The following B3GNT2 variants were observed in gnomAD, a reference collection of about 807,000 sequenced individuals.
The protein encoded by B3GNT2 is UDP-GlcNAc:betaGal beta-1,3-N-acetylglucosaminyltransferase 2.
A neutral mutation model predicts 27.6 loss-of-function variants in B3GNT2; 12 were observed. The observed-to-expected ratio is 0.44, with a 90% CI of 0.28 to 0.71. The LOEUF (loss-of-function observed/expected upper bound fraction) is 0.71, where lower values mean the gene tolerates loss of function less well. Among genes scored for constraint, B3GNT2 ranks in the 30% least tolerant of loss-of-function variants. The pLI, the probability that B3GNT2 is intolerant of heterozygous loss-of-function variation, is 0.17. For missense variants in B3GNT2, 413 were observed against 488.5 expected, an observed-to-expected ratio of 0.85 and a Z score of 1.46; for synonymous variants, 192 against 189.7, an observed-to-expected ratio of 1.01 and a Z score of -0.10.
chr2:62,223,139 G>A lies in B3GNT2; in HGVS notation c.919G>A (p.Gly307Arg). The A allele has an allele frequency of 6.2e-7, 1 of 1,614,200 alleles. No homozygotes were observed. The highest frequency in any genetic ancestry group is 8.5e-7 in the Non-Finnish European group (1 of 1,180,030). Residue 307 changes from glycine to arginine, a missense_variant, in exon 2 of 2, where the codon GGG becomes AGG. By Grantham distance (125) the Gly-to-Arg change is moderately radical. Transcript: ENST00000301998. ...SGLYPPYAGG[G>R]GFLYSGHLAL... ...CCTCTACCCACCCTATGCAGGGGGA[G>A]GGGGGTTCCTCTACTCCGGCCACCT...
At chr2:62,204,823 T>C (rs1255768132) in intron 1 of B3GNT2, among the ~76,000 whole-genome samples, 1 of 152,218 alleles carries the variant, frequency 6.6e-6, no homozygotes, top group African/African-American at 2.4e-5. Flanking sequence ...CTCTTTATAA[T>C]GGAAATTTTC....
At chr2:62,209,055 A>C (rs998545042) in intron 1 of B3GNT2, among the ~76,000 whole-genome samples, 1 of 151,998 alleles carries the variant, frequency 6.6e-6, no homozygotes, top group Non-Finnish European at 1.5e-5. Flanking sequence ...GCAGTGGTAC[A>C]TTTCAGCTCA....
chr2:62,197,219 T>C (rs1380898810), intron 1 of B3GNT2, among the ~76,000 whole-genome samples: 1 of 152,020 alleles, frequency 6.6e-6, no homozygotes, highest in Non-Finnish European at 1.5e-5. Flanking sequence ...GGCGCGGGAC[T>C]GGCGGCTACT....
chr2:62,200,690 T>G (rs1200607569), intron 1 of B3GNT2, among the ~76,000 whole-genome samples: 1 of 152,236 alleles, frequency 6.6e-6, no homozygotes, highest in Non-Finnish European at 1.5e-5. Context: ...CCTGCGCCCA[T>G]GTCTTGTCCG....
chr2:62,211,734 C>G (rs1674485790), intron 1 of B3GNT2, among the ~76,000 whole-genome samples: 1 of 152,162 alleles, frequency 6.6e-6, no homozygotes, highest in African/African-American at 2.4e-5. Context: ...CTAGTGTGGC[C>G]TCAGAAGCTG....
intron 1 of B3GNT2, among the ~76,000 whole-genome samples, chr2:62,204,151 T>A (rs1047357782): frequency 6.6e-6 from 1 of 152,154 alleles, no homozygotes; most frequent in Non-Finnish European, 1.5e-5. Context: ...CTCAGTCTCC[T>A]GAGTAGCTGG....
chr2:62,212,831 A>G (rs1016549447), intron 1 of B3GNT2, among the ~76,000 whole-genome samples: 7 of 152,006 alleles, frequency 4.6e-5, no homozygotes, highest in African/African-American at 1.7e-4. Flanking sequence ...CCTTTCTTAG[A>G]TTACTGTTTG....
chr2:62,206,403 A>G (rs961566833), intron 1 of B3GNT2, among the ~76,000 whole-genome samples: 1 of 152,194 alleles, frequency 6.6e-6, no homozygotes, highest in African/African-American at 2.4e-5. Flanking sequence ...AATTGCGCCC[A>G]TGGCATATGG....
At chr2:62,204,769 A>G (rs1674335917) in intron 1 of B3GNT2, among the ~76,000 whole-genome samples, 1 of 152,200 alleles carries the variant, frequency 6.6e-6, no homozygotes, top group African/African-American at 2.4e-5. Flanking sequence ...TCTTTTTTAA[A>G]AAACTTTTAT....
At chr2:62,215,469 C>G (rs1573267981) in intron 1 of B3GNT2, 1 of 152,364 alleles carries the variant, frequency 6.6e-6, no homozygotes, top group African/African-American at 2.4e-5. Flanking sequence ...CACTCACACC[C>G]TTATCACTCC....
At position 62,196,219 on chromosome 2, in the gene B3GNT2, C is replaced by A. The variant is rs1030308444; in HGVS notation, c.-146C>A. 6.6e-6 allele frequency: 1 copy of A among 151,808 alleles called. No individual in the cohort carries two copies. The highest frequency in any genetic ancestry group is 1.9e-4 in the East Asian group (1 of 5,172). 9.4% of individuals were successfully genotyped at this position (151,808 alleles called of 1,614,324 possible). A position where few individuals can be genotyped will look rare whatever the true frequency, so the allele number is the denominator to read the frequency against. ...CTGCCGCCGACACCGCCGGGCCGCCCGTCCGGGGCGCCGCGCATGGAGCGT... is the reference window on the plus strand; with the variant it reads ...CTGCCGCCGACACCGCCGGGCCGCCAGTCCGGGGCGCCGCGCATGGAGCGT... On this transcript the variant is annotated 5_prime_UTR_variant, in exon 1 of 2. Coordinates refer to ENST00000301998, the MANE Select transcript of B3GNT2 (RefSeq NM_006577.6).
intron 1 of B3GNT2, among the ~76,000 whole-genome samples, chr2:62,202,268 G>T (rs1450264675): frequency 2.0e-5 from 3 of 152,198 alleles, no homozygotes; most frequent in East Asian, 3.8e-4. Context: ...GCCAAGAAAG[G>T]CTTCTTAAGG....
At chr2:62,218,890 G>A (rs1016489349) in intron 1 of B3GNT2, among the ~76,000 whole-genome samples, 1 of 152,216 alleles carries the variant, frequency 6.6e-6, no homozygotes, top group African/African-American at 2.4e-5. Context: ...AAGGTGATGT[G>A]AGAACTGTAC....
chr2:62,222,296 G>A lies in B3GNT2; in HGVS notation c.76G>A (p.Glu26Lys). The A allele has an allele frequency of 6.2e-7, 1 of 1,613,872 alleles. No individual in the cohort carries two copies. The highest frequency in any genetic ancestry group is 8.5e-7 in the Non-Finnish European group (1 of 1,179,992). Residue 26 changes from glutamate (E) to lysine (K), a missense_variant, in exon 2 of 2, where the codon GAA becomes AAA. Transcript: ENST00000301998. The surrounding 1 kb of genome is among the most constrained non-coding windows in gnomAD (Gnocchi z 4.2). ...AAATGTCTTCATTTATTTTATTATG[G>A]AAGTCTCCAAAAGCAGTAGCCAAGA... is the stretch of plus-strand genomic sequence containing the variant. The part of the protein sequence containing the change: ...MANVFIYFIM[E>K]VSKSSSQEKN...
intron 1 of B3GNT2, among the ~76,000 whole-genome samples, chr2:62,218,035 G>A (rs745615609): frequency 1.3e-5 from 2 of 152,180 alleles, no homozygotes; most frequent in East Asian, 1.9e-4. Context: ...GTTTCACAGC[G>A]AGAGTTTATA....
chr2:62,207,241 A>G (rs552317071), intron 1 of B3GNT2, among the ~76,000 whole-genome samples: 2 of 151,936 alleles, frequency 1.3e-5, no homozygotes, highest in South Asian at 4.2e-4. Context: ...GTGCCGTGGC[A>G]CGATCTGGGT....
intron 1 of B3GNT2, among the ~76,000 whole-genome samples, chr2:62,212,471 T>C (rs1329850077): frequency 6.6e-6 from 1 of 151,938 alleles, no homozygotes; most frequent in Non-Finnish European, 1.5e-5. Flanking sequence ...GCCTAGGGTA[T>C]ACATTGACGT....
chr2:62,201,210 T>C (rs1674257812), intron 1 of B3GNT2, among the ~76,000 whole-genome samples: 1 of 152,238 alleles, frequency 6.6e-6, no homozygotes, highest in Non-Finnish European at 1.5e-5. Context: ...TAATACTTTG[T>C]TGATATAGCT....
intron 1 of B3GNT2, among the ~76,000 whole-genome samples, chr2:62,204,180 C>G (rs527239793): frequency 6.6e-6 from 1 of 152,166 alleles, no homozygotes; most frequent in Non-Finnish European, 1.5e-5. Flanking sequence ...GCATGCACCA[C>G]CATGCCTGGC....
Sources: allele counts gnomAD v4.1 joint callset (sites outside exome capture counted in the v4.1 genomes callset), GRCh38; gene constraint gnomAD v4.1.1; non-coding constraint Gnocchi (gnomAD v3.1); transcripts MANE v1.5; gene names NCBI Gene and HGNC (gene_info 2026-07-23, HGNC 2026-07-21).